Variants in SPATA16 observed in about 807,000 individuals in gnomAD.
SPATA16 encodes spermatogenesis-associated protein 16.
In SPATA16, 36 loss-of-function variants were observed where a neutral mutation model predicts 63.3. The ratio of observed to expected loss-of-function variants is 0.57; its 90% CI spans 0.44 to 0.75. The LOEUF is 0.75. SPATA16 is among the 30% of genes least tolerant of loss of function. SPATA16 has a pLI of 0.00. For synonymous variants in SPATA16, 203 were observed against 216.7 expected, an observed-to-expected ratio of 0.94 and a Z score of 0.56; for missense variants, 646 against 679.3, an observed-to-expected ratio of 0.95 and a Z score of 0.54.
intron 2 of SPATA16, among the ~76,000 whole-genome samples, chr3:173,103,185 T>C (rs1311166619): frequency 6.6e-6 from 1 of 152,202 alleles, no homozygotes; most frequent in Non-Finnish European, 1.5e-5. Flanking sequence ...TGGATTACAG[T>C]TGAGTGCATG....
intron 1 of SPATA16, among the ~76,000 whole-genome samples, chr3:173,139,805 G>A (rs1168979715): frequency 1.3e-5 from 2 of 152,118 alleles, no homozygotes; most frequent in Non-Finnish European, 2.9e-5. Context: ...GGCCAACATG[G>A]CAAAATCATG....
chr3:172,959,819 T>TATATATATATATATATATATATAA (rs1733708169), intron 5 of SPATA16, among the ~76,000 whole-genome samples: 1 of 145,236 alleles, frequency 6.9e-6, no homozygotes, highest in African/African-American at 2.5e-5. Context: ...TATATATATA[T>TATATATATATATATATATATATAA]TTAGCATTAT....
At chr3:172,926,937 A>G (rs1732749967) in intron 6 of SPATA16, among the ~76,000 whole-genome samples, 1 of 152,250 alleles carries the variant, frequency 6.6e-6, no homozygotes, top group African/African-American at 2.4e-5. Context: ...CCCAAATATC[A>G]TTGAATGATG....
chr3:173,109,857 C>G (rs1283749167), intron 2 of SPATA16, among the ~76,000 whole-genome samples: 1 of 152,172 alleles, frequency 6.6e-6, no homozygotes, highest in African/African-American at 2.4e-5. Context: ...TTTCCAGCAT[C>G]TAGCATTATG....
intron 2 of SPATA16, among the ~76,000 whole-genome samples, chr3:173,114,381 G>T (rs1737836083): frequency 6.6e-6 from 1 of 152,004 alleles, no homozygotes; most frequent in Admixed American, 6.6e-5. Context: ...TTAAATTTTG[G>T]TTAATGGGAA....
At chr3:173,001,855 T>C (rs1456564178) in intron 4 of SPATA16, among the ~76,000 whole-genome samples, 1 of 152,142 alleles carries the variant, frequency 6.6e-6, no homozygotes, top group African/African-American at 2.4e-5. Context: ...TAGTGTGGAG[T>C]AATGACTTCT....
At chr3:173,105,416 GA>G (rs1228600172) in intron 2 of SPATA16, among the ~76,000 whole-genome samples, 4 of 152,170 alleles carry the variant, frequency 2.6e-5, no homozygotes, top group Non-Finnish European at 4.4e-5. Flanking sequence ...GCTACTTCTA[GA>G]AACTCTGTAA....
At position 173,085,057 on chromosome 3, in the gene SPATA16, G is replaced by A. The variant is rs765713041; in HGVS notation, c.612+32063C>T. Among the ~76,000 whole-genome samples, 3 of 152,224 alleles carry A rather than the reference G, an allele frequency of 2.0e-5. No homozygotes were observed. The Middle Eastern group carries it at 0.01, about 518-fold the overall frequency. On this transcript the variant is annotated intron_variant, in intron 2 of 10. Coordinates refer to ENST00000351008, the MANE Select transcript of SPATA16 (RefSeq NM_031955.6). ...AGTTTTTTCTAATTCTGTGAAGAAC[G>A]TCAATGGTAGTTTAATGAAAATAAC...
chr3:173,090,050 G>GA (rs1737183123), intron 2 of SPATA16, among the ~76,000 whole-genome samples: 2 of 152,280 alleles, frequency 1.3e-5, no homozygotes, highest in South Asian at 2.1e-4. Context: ...AGAAATCCCA[G>GA]AAAAAATGTT....
At chr3:172,899,194 T>G (rs890669240) in intron 10 of SPATA16, among the ~76,000 whole-genome samples, 2 of 152,028 alleles carry the variant, frequency 1.3e-5, no homozygotes, top group Admixed American at 1.3e-4. Context: ...GATTTTCTAT[T>G]TAGTTGTTCT....
intron 10 of SPATA16, among the ~76,000 whole-genome samples, chr3:172,912,882 T>C (rs1446191097): frequency 1.3e-5 from 2 of 152,172 alleles, no homozygotes; most frequent in African/African-American, 4.8e-5. Context: ...TCACAGGGCC[T>C]CTGAGTTCAT....
At chr3:172,960,361 A>G (rs1006980844) in intron 5 of SPATA16, among the ~76,000 whole-genome samples, 1 of 152,212 alleles carries the variant, frequency 6.6e-6, no homozygotes, top group African/African-American at 2.4e-5. Context: ...TTAAATGTAC[A>G]TTGCTGTTAA....
At chr3:173,094,434 A>G (rs1737300207) in intron 2 of SPATA16, among the ~76,000 whole-genome samples, 1 of 152,206 alleles carries the variant, frequency 6.6e-6, no homozygotes, top group African/African-American at 2.4e-5. Context: ...GATTCAGTAA[A>G]TGACCATAAA....
At chr3:172,961,062 TC>T (rs1560080265) in intron 5 of SPATA16, among the ~76,000 whole-genome samples, 10 of 37,006 alleles carry the variant, frequency 2.7e-4, no homozygotes, top group African/African-American at 1.1e-3. Flanking sequence ...TTTCTTTCTT[TC>T]TTCTTTCTTC....
At chr3:173,109,627 A>G (rs1577179215) in intron 2 of SPATA16, among the ~76,000 whole-genome samples, 2 of 152,348 alleles carry the variant, frequency 1.3e-5, no homozygotes, top group Admixed American at 1.3e-4. Flanking sequence ...TAAATAAATT[A>G]CACTAAAATA....
chr3:172,890,371 G>C (rs1731868679), intron 10 of SPATA16, among the ~76,000 whole-genome samples: 1 of 152,038 alleles, frequency 6.6e-6, no homozygotes, highest in South Asian at 2.1e-4. Flanking sequence ...AAAAACTATA[G>C]AATAAAAGTT....
intron 5 of SPATA16, among the ~76,000 whole-genome samples, chr3:172,957,246 A>G (rs765394504): frequency 1.1e-4 from 16 of 152,174 alleles, no homozygotes; most frequent in Non-Finnish European, 2.2e-4. Context: ...TTCTGTAAAT[A>G]ACACGGCAAA....
At chr3:172,940,139 T>G (rs1328309934) in intron 6 of SPATA16, among the ~76,000 whole-genome samples, 1 of 152,200 alleles carries the variant, frequency 6.6e-6, no homozygotes, top group Non-Finnish European at 1.5e-5. Context: ...CATTTGGCTG[T>G]TCCTGAGTGA....
chr3:173,126,627 G>A (rs1347682991), intron 1 of SPATA16, among the ~76,000 whole-genome samples: 4 of 152,120 alleles, frequency 2.6e-5, no homozygotes, highest in Non-Finnish European at 5.9e-5. Context: ...AGGCTTTCAC[G>A]TTTGGTTTCT....
Sources: allele counts gnomAD v4.1 joint callset (sites outside exome capture counted in the v4.1 genomes callset), GRCh38; gene constraint gnomAD v4.1.1; transcripts MANE v1.5; gene names NCBI Gene and HGNC (gene_info 2026-07-23, HGNC 2026-07-21).